GPC5: variants seen among roughly 807,000 people sequenced by gnomAD.
GPC5 encodes glypican-5.
GPC5 carries 47 observed loss-of-function variants against 53.9 expected under a neutral mutation model. That is an observed-to-expected ratio of 0.87 (90% confidence interval 0.69 to 1.11). GPC5 has a LOEUF of 1.11. Ranked by LOEUF, GPC5 falls within the 50% of genes most tolerant of loss-of-function variation. The pLI is 0.00. For missense variants in GPC5, 748 were observed against 713.1 expected (o/e 1.05, Z -0.56); for synonymous variants, 286 against 263.3 (o/e 1.09, Z -0.84).
rs952545340 is a variant in GPC5, at chr13:92,470,152, G to T, written c.1561+325163G>T. ...TACTCAACCTTAGGGCATGTTTAAG[G>T]ATCACGTTTAATTATAGGAGGAAAG... On this transcript the variant is annotated intron_variant, in intron 7 of 7. Coordinates refer to ENST00000377067, the MANE Select transcript of GPC5 (RefSeq NM_004466.6). Among the ~76,000 whole-genome samples the T allele has an allele frequency of 3.9e-5, 6 of 152,192 alleles. No individual in the cohort carries two copies. In the East Asian group the frequency reaches 1.2e-3, roughly 29 times the overall value.
In GPC5 at chr13:92,780,602, G is replaced by A. The variant is rs79518421; in HGVS notation, c.1562-85680G>A. ...ATTTTCTAATAATATGGTCATAATC[G>A]TGAGTCCAGACTTCAGTGTATAATC... On this transcript the variant is annotated intron_variant, in intron 7 of 7. Transcript: ENST00000377067. 7.5e-3 allele frequency among the ~76,000 whole-genome samples: 1,134 copies of A among 151,954 alleles called. 15 individuals carry two copies. Among genetic ancestry groups the A allele is most frequent in the African/African-American group, 0.026 (1,059 of 41,486 alleles).
At chr13:92,578,860 G>A (rs1435307194) in intron 7 of GPC5, among the ~76,000 whole-genome samples, 3 of 152,072 alleles carry the variant, frequency 2.0e-5, no homozygotes, top group Admixed American at 1.3e-4. Flanking sequence ...AAGATAACAC[G>A]GATTCAAGTA....
chr13:91,488,184 A>G (rs1218824252), intron 2 of GPC5, among the ~76,000 whole-genome samples: 3 of 152,138 alleles, frequency 2.0e-5, no homozygotes, highest in African/African-American at 7.2e-5. Context: ...TCTCAGTATG[A>G]AGCATCTCCT....
chr13:92,173,191 AT>A (rs994905090), intron 7 of GPC5, among the ~76,000 whole-genome samples: 43 of 151,078 alleles, frequency 2.8e-4, no homozygotes, highest in East Asian at 1.2e-3. Flanking sequence ...TCATTAATGG[AT>A]TTTTTTTTCA....
At position 92,698,508 on chromosome 13, in the gene GPC5, A is replaced by G. The variant is rs374936328; in HGVS notation, c.1562-167774A>G. Among the ~76,000 whole-genome samples the G allele has an allele frequency of 1.7e-3, 259 of 152,226 alleles. 3 individuals are homozygous for G. In the East Asian group the frequency reaches 0.038, roughly 22 times the overall value. ...AAAGGACATGAACTCATCATTTTTT[A>G]TGGCTGCATAGTATTCCATGATGTA... is the stretch of plus-strand genomic sequence containing the variant. On this transcript the variant is annotated intron_variant, in intron 7 of 7. Transcript: ENST00000377067.
intron 7 of GPC5, among the ~76,000 whole-genome samples, chr13:92,662,482 T>C (rs1594395448): frequency 6.6e-6 from 1 of 152,230 alleles, no homozygotes; most frequent in South Asian, 2.1e-4. Flanking sequence ...ACCACTGTCT[T>C]CATCAAAAGT....
intron 2 of GPC5, among the ~76,000 whole-genome samples, chr13:91,451,286 G>A (rs937607756): frequency 6.6e-6 from 1 of 152,088 alleles, no homozygotes. Context: ...TATATTGTAG[G>A]TTATAAAAGA....
intron 6 of GPC5, chr13:92,060,056 G>T (rs2041109962): frequency 6.6e-6 from 1 of 151,536 alleles, no homozygotes; most frequent in African/African-American, 2.4e-5. Context: ...ATTTATGTTG[G>T]ATTTCATTAC....
chr13:91,439,761 T>C (rs1880279219), intron 1 of GPC5, among the ~76,000 whole-genome samples: 1 of 152,216 alleles, frequency 6.6e-6, no homozygotes, highest in African/African-American at 2.4e-5. Flanking sequence ...TCTTCTACGT[T>C]CAGTGTATAT....
intron 7 of GPC5, among the ~76,000 whole-genome samples, chr13:92,741,323 G>C (rs1358268527): frequency 6.6e-6 from 1 of 151,764 alleles, no homozygotes; most frequent in Admixed American, 6.6e-5. Flanking sequence ...AGAGAGAATT[G>C]AGCAATCACA....
intron 7 of GPC5, among the ~76,000 whole-genome samples, chr13:92,726,049 G>A (rs1385739591): frequency 4.6e-5 from 7 of 151,544 alleles, no homozygotes; most frequent in African/African-American, 1.4e-4. Flanking sequence ...TCTGCCAAAA[G>A]TCACATTATT....
At chr13:91,425,352 G>A (rs1393067477) in intron 1 of GPC5, among the ~76,000 whole-genome samples, 2 of 152,112 alleles carry the variant, frequency 1.3e-5, no homozygotes, top group Non-Finnish European at 1.5e-5. Context: ...ATATGGTTAG[G>A]CTTTGTGCCC....
At chr13:92,709,356 A>C (rs1888062709) in intron 7 of GPC5, 1 of 151,636 alleles carries the variant, frequency 6.6e-6, no homozygotes, top group Admixed American at 6.6e-5. Context: ...CATGGCCGAA[A>C]CCCCCTCTTA....
intron 7 of GPC5, among the ~76,000 whole-genome samples, chr13:92,464,525 G>T (rs1440443762): frequency 6.6e-6 from 1 of 151,990 alleles, no homozygotes; most frequent in Non-Finnish European, 1.5e-5. Context: ...TTCAATGAAT[G>T]CACACTGACT....
chr13:92,440,086 C>G (rs1177368571), intron 7 of GPC5, among the ~76,000 whole-genome samples: 1 of 152,114 alleles, frequency 6.6e-6, no homozygotes, highest in Non-Finnish European at 1.5e-5. Context: ...AATGATGGGA[C>G]AAGACAATGT....
intron 7 of GPC5, among the ~76,000 whole-genome samples, chr13:92,432,196 G>T (rs1455901455): frequency 6.6e-6 from 1 of 152,150 alleles, no homozygotes; most frequent in Non-Finnish European, 1.5e-5. Flanking sequence ...CAGGAAGAGA[G>T]CATCACCAGA....
intron 7 of GPC5, among the ~76,000 whole-genome samples, chr13:92,200,079 A>G (rs759461001): frequency 1.3e-5 from 2 of 152,186 alleles, no homozygotes; most frequent in Non-Finnish European, 2.9e-5. Flanking sequence ...AATTTGGCCA[A>G]GCTTTGTTTT....
At chr13:91,547,527 C>T (rs937078276) in intron 2 of GPC5, among the ~76,000 whole-genome samples, 3 of 152,120 alleles carry the variant, frequency 2.0e-5, no homozygotes, top group African/African-American at 7.2e-5. Flanking sequence ...ACAGAAAGCA[C>T]CAGGCCCAGA....
chr13:92,214,727 A>T (rs2042397973), intron 7 of GPC5, among the ~76,000 whole-genome samples: 1 of 152,200 alleles, frequency 6.6e-6, no homozygotes, highest in African/African-American at 2.4e-5. Flanking sequence ...GTTAGGTTGT[A>T]CAGCAAAGGA....
Sources: gnomAD v4.1 joint callset for allele counts (sites outside exome capture counted in the v4.1 genomes callset) on GRCh38, gnomAD v4.1.1 for gene constraint, MANE v1.5 for transcripts, NCBI Gene and HGNC (gene_info 2026-07-23, HGNC 2026-07-21) for gene names.